The following ERCC1 variants were observed in gnomAD, a reference collection of about 807,000 sequenced individuals.
ERCC1 encodes ERCC excision repair 1, endonuclease non-catalytic subunit.
A neutral mutation model predicts 37.6 loss-of-function variants in ERCC1; 36 were observed. The observed-to-expected ratio is 0.96, with a 90% CI of 0.73 to 1.26. ERCC1 has a LOEUF of 1.26. Among genes scored for constraint, ERCC1 ranks in the 50% most tolerant of loss-of-function variants. The pLI is 0.00. For synonymous variants in ERCC1, 156 were observed against 162.1 expected, an observed-to-expected ratio of 0.96 and a Z score of 0.28; for missense variants, 349 against 376.5, an observed-to-expected ratio of 0.93 and a Z score of 0.60.
At position 45,408,072 on chromosome 19, in the gene ERCC1, T is replaced by A. The variant is rs2013521; in HGVS notation, c.*1603A>T. 243,183 of 1,488,036 alleles carry A rather than the reference T, an allele frequency of 0.16. 22,283 individuals are homozygous for A. Among genetic ancestry groups the A allele is most frequent in the East Asian group, 0.45 (19,397 of 43,062 alleles). 92.2% of individuals were successfully genotyped at this position (1,488,036 alleles called of 1,614,324 possible). On this transcript the variant is annotated 3_prime_UTR_variant, in exon 10 of 10. Transcript: ENST00000300853. The stretch of plus-strand genomic sequence containing the variant: ...CTCTCAAAAAAAAACAAAAAAAAAA[T>A]CAAAAAACCTTCCCTCTCCTGTTCC...
rs1203910905 is a variant in ERCC1, at chr19:45,408,970, G to A, written c.*705C>T. On this transcript the variant is annotated 3_prime_UTR_variant, in exon 10 of 10. Coordinates refer to ENST00000300853, the MANE Select transcript of ERCC1 (RefSeq NM_001983.4). Reference sequence around the variant, plus strand: ...CTACGAAGAAGAGGAAAAAAGAAAAGGGACAGATGGCAATGATGGAGCCAG... The same window carrying A: ...CTACGAAGAAGAGGAAAAAAGAAAAAGGACAGATGGCAATGATGGAGCCAG... The A allele has an allele frequency of 6.2e-7, 1 of 1,614,076 alleles. No homozygotes were observed.
chr19:45,408,149 G>C lies in ERCC1; in HGVS notation c.*1526C>G. On this transcript the variant is annotated 3_prime_UTR_variant, in exon 10 of 10. Transcript: ENST00000300853. ...TCTCTGTAGCTTCAATGGGCGGCAT[G>C]TGCCTCTCTCTGGCTCCCAGATCGT... 1 of 1,602,770 alleles carries C rather than the reference G, an allele frequency of 6.2e-7. No homozygotes were observed. The highest frequency in any genetic ancestry group is 1.1e-5 in the South Asian group (1 of 90,376).
Position 45,409,112 on chromosome 19 carries a change from G to A in ERCC1, c.*563C>T. The stretch of plus-strand genomic sequence containing the variant: ...GCCTCAGGCCCAGGCAGCTCTGGCA[G>A]CTCCCAAAAAGAAGACGAAGAAAGA... On this transcript the variant is annotated 3_prime_UTR_variant, in exon 10 of 10. Coordinates refer to ENST00000300853, the MANE Select transcript of ERCC1 (RefSeq NM_001983.4). 1 of 1,613,172 alleles carries A rather than the reference G, an allele frequency of 6.2e-7. No individual in the cohort carries two copies. Among genetic ancestry groups the A allele is most frequent in the Non-Finnish European group, 8.5e-7 (1 of 1,179,378 alleles).
chr19:45,440,999 T>A (rs1417263927), intron 1 of ERCC1, among the ~76,000 whole-genome samples: 12 of 152,102 alleles, frequency 7.9e-5, no homozygotes, highest in Admixed American at 7.9e-4. Flanking sequence ...GGCCTCCTCC[T>A]AGGAAGGCAC....
chr19:45,433,949 A>G (rs1042210388), intron 1 of ERCC1, among the ~76,000 whole-genome samples: 5 of 151,682 alleles, frequency 3.3e-5, no homozygotes, highest in African/African-American at 1.2e-4. Context: ...CCTGGCTAAC[A>G]TGGTGAAACC....
At chr19:45,417,319 C>G (rs1227574331) in intron 5 of ERCC1, among the ~76,000 whole-genome samples, 2 of 152,120 alleles carry the variant, frequency 1.3e-5, no homozygotes, top group Non-Finnish European at 2.9e-5. Context: ...CACTGATGAT[C>G]TGGAGTGGCC....
At chr19:45,429,853 C>G (rs1974790603) in intron 1 of ERCC1, among the ~76,000 whole-genome samples, 1 of 152,124 alleles carries the variant, frequency 6.6e-6, no homozygotes, top group Non-Finnish European at 1.5e-5. Flanking sequence ...GGCATGATCA[C>G]GATTCACTGC....
At chr19:45,418,964 G>C (rs2123499603) in intron 5 of ERCC1, 134 bp downstream of exon 5, 1 of 712,224 alleles carries the variant, frequency 1.4e-6, no homozygotes, top group East Asian at 2.7e-5. Context: ...ATGTCTTGGT[G>C]ACCCATGTCA....
intron 1 of ERCC1, among the ~76,000 whole-genome samples, chr19:45,430,976 G>GT (rs956413577): frequency 4.6e-5 from 7 of 151,958 alleles, no homozygotes; most frequent in African/African-American, 1.7e-4. Context: ...TAGTTGGGGG[G>GT]TGGGGTCTCA....
rs146480982 is a variant in ERCC1, at chr19:45,449,981, G to A, written c.-7-26600C>T. Among the ~76,000 whole-genome samples the A allele has an allele frequency of 3.0e-3, 460 of 152,260 alleles. 2 individuals are homozygous for A. Among genetic ancestry groups the A allele is most frequent in the African/African-American group, 0.01 (435 of 41,550 alleles). On this transcript the variant is annotated intron_variant, in intron 1 of 8. Transcript: ENST00000423698. Reference sequence around the variant, plus strand: ...CTCCATCTCAAACAAAACAAAAAAAGCCCAGCGAGTTAGGGACAGAATCCA... The same window carrying A: ...CTCCATCTCAAACAAAACAAAAAAAACCCAGCGAGTTAGGGACAGAATCCA...
chr19:45,442,073 A>G (rs1044415770), intron 1 of ERCC1, among the ~76,000 whole-genome samples: 2 of 151,622 alleles, frequency 1.3e-5, no homozygotes, highest in South Asian at 4.2e-4. Context: ...GCACTTTGGG[A>G]GGCCGAGGTG....
At chr19:45,438,914 T>G (rs1975048982) in intron 1 of ERCC1, among the ~76,000 whole-genome samples, 1 of 152,220 alleles carries the variant, frequency 6.6e-6, no homozygotes, top group African/African-American at 2.4e-5. Flanking sequence ...GTGCTGGGAT[T>G]ACAGGTGTGA....
intron 1 of ERCC1, among the ~76,000 whole-genome samples, chr19:45,438,061 C>A (rs1210529092): frequency 6.6e-6 from 1 of 151,942 alleles, no homozygotes; most frequent in Admixed American, 6.6e-5. Flanking sequence ...GCGTGTGAGA[C>A]CACGCCCAGC....
At chr19:45,450,880 T>C (rs1421450376) in intron 1 of ERCC1, among the ~76,000 whole-genome samples, 1 of 112,190 alleles carries the variant, frequency 8.9e-6, no homozygotes, top group Admixed American at 1.1e-4. Context: ...GCCGTCTCCG[T>C]GCGCCCGCCC....
Position 45,439,198 on chromosome 19 carries a change from C to A in ERCC1, c.-7-15817G>T, listed in dbSNP as rs571542118. Among the ~76,000 whole-genome samples, 5 of 152,018 alleles carry A rather than the reference C, an allele frequency of 3.3e-5. No homozygotes were observed. The South Asian group carries it at 1.0e-3, about 32-fold the overall frequency. On this transcript the variant is annotated intron_variant, in intron 1 of 8. Coordinates refer to the ERCC1 transcript ENST00000423698. ...GAGACTCTGTCTCAAAAAACAAAAA[C>A]AAACAAACAAAAAAACAAATAGCGC... is the stretch of plus-strand genomic sequence containing the variant.
chr19:45,422,728 G>A (rs543581317), intron 2 of ERCC1, among the ~76,000 whole-genome samples: 1 of 152,216 alleles, frequency 6.6e-6, no homozygotes, highest in East Asian at 1.9e-4. Flanking sequence ...GTGCACTCCA[G>A]CCTGGGCAAA....
chr19:45,433,811 C>T lies in ERCC1; in HGVS notation c.-7-10430G>A, dbSNP rs555603202. Among the ~76,000 whole-genome samples, 30 of 151,834 alleles carry T rather than the reference C, an allele frequency of 2.0e-4. No individual in the cohort carries two copies. In the East Asian group the frequency reaches 5.0e-3, roughly 26 times the overall value. Reference sequence around the variant, plus strand: ...AGAGGACGAGTGGATGGGAGGGTAGCGGAGGTTTCTCTGTCAAAGGAGCAT... The same window carrying T: ...AGAGGACGAGTGGATGGGAGGGTAGTGGAGGTTTCTCTGTCAAAGGAGCAT... On this transcript the variant is annotated intron_variant, in intron 1 of 8. Coordinates refer to the ERCC1 transcript ENST00000423698.
rs1349896794 is a variant in ERCC1 at position 45,444,287 on chromosome 19, C to T, written c.-7-20906G>A. Among the ~76,000 whole-genome samples the T allele has an allele frequency of 3.8e-5, 4 of 106,648 alleles. No individual in the cohort carries two copies. The East Asian group carries it at 1.1e-3, about 29-fold the overall frequency. The allele number at this position is 106,648 out of a possible 152,430, so 70.0% of individuals were successfully genotyped here. A position where few individuals can be genotyped will look rare whatever the true frequency, so the allele number is the denominator to read the frequency against. ...TTTCCCCCCCTCCCCCAGCCAGCCGCTTCGCCCCCCACCCCGGAGCCCCTC... is the reference window on the plus strand; with the variant it reads ...TTTCCCCCCCTCCCCCAGCCAGCCGTTTCGCCCCCCACCCCGGAGCCCCTC... On this transcript the variant is annotated intron_variant, in intron 1 of 8. Transcript: ENST00000423698.
upstream of ERCC1, among the ~76,000 whole-genome samples, chr19:45,428,811 G>A (rs1444723138): frequency 6.6e-6 from 1 of 152,068 alleles, no homozygotes; most frequent in Non-Finnish European, 1.5e-5. Flanking sequence ...CCGCGGTGAC[G>A]CGCGGCCCGG....
Sources: allele counts gnomAD v4.1 joint callset (sites outside exome capture counted in the v4.1 genomes callset), GRCh38; gene constraint gnomAD v4.1.1; transcripts MANE v1.5; gene names NCBI Gene and HGNC (gene_info 2026-07-23, HGNC 2026-07-21).